The following GAB2 variants were observed in gnomAD, a reference collection of about 807,000 sequenced individuals.
The protein encoded by GAB2 is GRB2-associated-binding protein 2.
A neutral mutation model predicts 65.5 loss-of-function variants in GAB2; 26 were observed. The ratio of observed to expected loss-of-function variants is 0.40; its 90% confidence interval spans 0.29 to 0.55. GAB2 has a LOEUF of 0.55. GAB2 is among the 20% of genes least tolerant of loss of function. The probability of loss-of-function intolerance (pLI) is 0.53; values close to 1 mark genes in which losing one functional copy is unlikely to be tolerated. For synonymous variants in GAB2, 321 were observed against 329.6 expected (o/e 0.97, Z 0.28); for missense variants, 884 against 875.8 (o/e 1.01, Z -0.12).
chr11:78,231,738 C>T (rs1189634675), intron 3 of GAB2: 1 of 152,152 alleles, frequency 6.6e-6, no homozygotes, highest in African/African-American at 2.4e-5. Context: ...ATTTTATATA[C>T]CATACTATAT....
chr11:78,301,833 T>C (rs1292053883), intron 1 of GAB2, among the ~76,000 whole-genome samples: 1 of 152,170 alleles, frequency 6.6e-6, no homozygotes, highest in Non-Finnish European at 1.5e-5. Context: ...GGTACTGGTA[T>C]AAAAACAGGC....
chr11:78,280,604 T>G lies in GAB2; in HGVS notation c.373A>C (p.Thr125Pro). The change falls in exon 2 of 10, where the codon ACA becomes CCA. Residue 125 changes from threonine (T) to proline (P), a missense_variant. By Grantham distance (38) the Thr-to-Pro change is conservative. Coordinates refer to ENST00000361507, the MANE Select transcript of GAB2 (RefSeq NM_080491.3). Reference protein sequence around the residue: ...ICGFNQAEESTDSLRNVSSAG... With the variant: ...ICGFNQAEESPDSLRNVSSAG... ...AGATCTGTGTGCGTTCTCATACCTG[T>G]GCTCTCCTCAGCCTGATTGAAGCCA... 4 of 1,612,640 alleles carry G rather than the reference T, an allele frequency of 2.5e-6. No individual in the cohort carries two copies. Among genetic ancestry groups the G allele is most frequent in the Non-Finnish European group, 3.4e-6 (4 of 1,178,914 alleles).
At chr11:78,341,977 G>T in intron 1 of GAB2, 1 of 627,340 alleles carries the variant, frequency 1.6e-6, no homozygotes, top group Non-Finnish European at 2.0e-6. Context: ...GCCAGTGTGT[G>T]TTGTGTTCCC....
intron 1 of GAB2, among the ~76,000 whole-genome samples, chr11:78,369,922 A>G (rs1197203904): frequency 1.3e-5 from 2 of 152,160 alleles, no homozygotes; most frequent in Non-Finnish European, 2.9e-5. Flanking sequence ...ATTTATAACG[A>G]ACATGTACCA....
At chr11:78,270,242 G>A (rs930370419) in intron 2 of GAB2, among the ~76,000 whole-genome samples, 7 of 151,890 alleles carry the variant, frequency 4.6e-5, no homozygotes, top group Non-Finnish European at 1.0e-4. Context: ...CAGGAGAATC[G>A]CCTGAACCCG....
At chr11:78,333,300 C>T (rs891452154) in intron 1 of GAB2, among the ~76,000 whole-genome samples, 14 of 152,100 alleles carry the variant, frequency 9.2e-5, no homozygotes, top group African/African-American at 3.4e-4. Context: ...AAGTCTCGCT[C>T]TGTCACTCAG....
At chr11:78,381,143 A>C (rs2134738599) in intron 1 of GAB2, among the ~76,000 whole-genome samples, 1 of 152,278 alleles carries the variant, frequency 6.6e-6, no homozygotes, top group South Asian at 2.1e-4. Flanking sequence ...TATTCCTTGA[A>C]GATCACCTGC....
In GAB2 at chr11:78,225,052, G is replaced by A. The variant is rs1451313114; in HGVS notation, c.1302+56C>T. 9.5e-6 allele frequency: 10 copies of A among 1,053,750 alleles called. No individual in the cohort carries two copies. In the South Asian group the frequency reaches 1.2e-4, roughly 12 times the overall value. 65.3% of individuals were successfully genotyped at this position (1,053,750 alleles called of 1,614,324 possible). A position where few individuals can be genotyped will look rare whatever the true frequency, so the allele number is the denominator to read the frequency against. ...GGTTGTGCTTTTAATTCCATAAGGT[G>A]TGACCTTTTACCTAACCAGGCCGGC... On this transcript the variant is annotated intron_variant, in intron 5 of 9. Coordinates refer to ENST00000361507, the MANE Select transcript of GAB2 (RefSeq NM_080491.3).
intron 3 of GAB2, among the ~76,000 whole-genome samples, chr11:78,248,959 G>A (rs991191285): frequency 1.3e-5 from 2 of 152,194 alleles, no homozygotes; most frequent in Admixed American, 6.5e-5. Context: ...AGCTCTTCAT[G>A]TATAAGTTGA....
chr11:78,309,971 T>TGTGTGTGTGTGCGCGCGCGC (rs1421836447), intron 1 of GAB2, among the ~76,000 whole-genome samples: 6 of 120,194 alleles, frequency 5.0e-5, no homozygotes, highest in African/African-American at 2.1e-4. Context: ...TGTGTGTGTG[T>TGTGTGTGTGTGCGCGCGCGC]GCGCGCGCGC....
intron 1 of GAB2, among the ~76,000 whole-genome samples, chr11:78,400,309 G>C (rs1157160367): frequency 6.6e-6 from 1 of 152,226 alleles, no homozygotes; most frequent in South Asian, 2.1e-4. Flanking sequence ...TCCACACCAA[G>C]AGCATTTGCC....
intron 3 of GAB2, among the ~76,000 whole-genome samples, chr11:78,228,158 C>A (rs1212783764): frequency 2.0e-5 from 3 of 152,134 alleles, no homozygotes; most frequent in Non-Finnish European, 4.4e-5. Flanking sequence ...TTTCTAAGGG[C>A]CCATCTGGCC....
At chr11:78,306,922 C>T (rs1244344129) in intron 1 of GAB2, among the ~76,000 whole-genome samples, 1 of 152,112 alleles carries the variant, frequency 6.6e-6, no homozygotes. Context: ...ATATGTTTTA[C>T]AAAATGTGTT....
In GAB2 at chr11:78,219,168, G is replaced by T; in HGVS notation, c.*104C>A. ...TGCTTTGAAGGCTGAGACTGGCAGAGTAGAGAGGAGGTGGATGGGAGGAAG... is the reference window on the plus strand; with the variant it reads ...TGCTTTGAAGGCTGAGACTGGCAGATTAGAGAGGAGGTGGATGGGAGGAAG... On this transcript the variant is annotated 3_prime_UTR_variant, in exon 10 of 10. Coordinates refer to ENST00000361507, the MANE Select transcript of GAB2 (RefSeq NM_080491.3). 9.2e-7 allele frequency: 1 copy of T among 1,091,498 alleles called. No homozygotes were observed. Among genetic ancestry groups the T allele is most frequent in the Non-Finnish European group, 1.4e-6 (1 of 739,456 alleles). The allele number at this position is 1,091,498 out of a possible 1,614,324, so 67.6% of individuals were successfully genotyped here.
At chr11:78,391,218 C>A (rs1461583556) in intron 1 of GAB2, among the ~76,000 whole-genome samples, 2 of 152,180 alleles carry the variant, frequency 1.3e-5, no homozygotes, top group East Asian at 3.9e-4. Context: ...TCGCTTGAGC[C>A]CGGGAGGTTG....
chr11:78,358,955 C>T (rs1856397801), intron 1 of GAB2, among the ~76,000 whole-genome samples: 1 of 151,884 alleles, frequency 6.6e-6, no homozygotes, highest in African/African-American at 2.4e-5. Context: ...ATGAAAATTA[C>T]AATTGAAATG....
At position 78,317,101 on chromosome 11, in the gene GAB2, G is replaced by C. The variant is rs1429356983; in HGVS notation, c.76-36200C>G. On this transcript the variant is annotated intron_variant, in intron 1 of 9. Coordinates refer to ENST00000361507, the MANE Select transcript of GAB2 (RefSeq NM_080491.3). ...CAAGCCTAGAGTAGCCAGATTCAGA[G>C]AGACAAAAAATACAACAGTGGTTAT... 3.3e-5 allele frequency among the ~76,000 whole-genome samples: 5 copies of C among 152,174 alleles called. No individual in the cohort carries two copies. In the East Asian group the frequency reaches 9.6e-4, roughly 29 times the overall value.
chr11:78,403,462 A>G (rs1386048907), intron 1 of GAB2, among the ~76,000 whole-genome samples: 2 of 152,222 alleles, frequency 1.3e-5, no homozygotes, highest in Non-Finnish European at 2.9e-5. Context: ...ACCTTTGACA[A>G]AGGTGCCAAG....
chr11:78,297,664 T>C (rs959068288), intron 1 of GAB2, among the ~76,000 whole-genome samples: 1 of 151,898 alleles, frequency 6.6e-6, no homozygotes, highest in Admixed American at 6.6e-5. Flanking sequence ...AAGGGGAAAG[T>C]AGAACAAGCA....
Sources: gnomAD v4.1 joint callset for allele counts (sites outside exome capture counted in the v4.1 genomes callset) on GRCh38, gnomAD v4.1.1 for gene constraint, MANE v1.5 for transcripts, NCBI Gene and HGNC (gene_info 2026-07-23, HGNC 2026-07-21) for gene names.